TRAPPC9: variants seen among roughly 807,000 people sequenced by gnomAD.
TRAPPC9 encodes the protein IKK2 binding protein.
A neutral mutation model predicts 124.0 loss-of-function variants in TRAPPC9; 83 were observed. That is an observed-to-expected ratio of 0.67 (90% confidence interval 0.56 to 0.80). TRAPPC9 has a LOEUF of 0.80. Ranked by LOEUF, TRAPPC9 falls within the 30% of genes least tolerant of loss-of-function variation. The pLI, the probability that TRAPPC9 is intolerant of heterozygous loss-of-function variation, is 0.00. For synonymous variants in TRAPPC9, 638 were observed against 617.5 expected, an observed-to-expected ratio of 1.03 and a Z score of -0.49; for missense variants, 1,302 against 1,508.3, an observed-to-expected ratio of 0.86 and a Z score of 2.27.
At chr8:140,218,150 C>T (rs747318693) in intron 17 of TRAPPC9, among the ~76,000 whole-genome samples, 2 of 152,132 alleles carry the variant, frequency 1.3e-5, no homozygotes, top group East Asian at 1.9e-4. Context: ...GACGCCACCA[C>T]GACACTCGAA....
chr8:140,173,553 CAA>C (rs57984220), intron 17 of TRAPPC9, among the ~76,000 whole-genome samples: 44 of 59,758 alleles, frequency 7.4e-4, no homozygotes, highest in African/African-American at 1.3e-3. Flanking sequence ...GACTCTGTCT[CAA>C]AAAAAAAAAA....
At position 140,388,918 on chromosome 8, in the gene TRAPPC9, C is replaced by T. The variant is rs185039696; in HGVS notation, c.1134+8702G>A. Reference sequence around the variant, plus strand: ...ATGGATGAACCATGAAAACATGACGCTAAGTGAGTAATCTAGACACAGAAG... The same window carrying T: ...ATGGATGAACCATGAAAACATGACGTTAAGTGAGTAATCTAGACACAGAAG... On this transcript the variant is annotated intron_variant, in intron 7 of 22. Coordinates refer to ENST00000438773, the MANE Select transcript of TRAPPC9 (RefSeq NM_001160372.4). 2.7e-5 allele frequency among the ~76,000 whole-genome samples: 4 copies of T among 148,926 alleles called. No individual in the cohort carries two copies. The East Asian group carries it at 7.9e-4, about 29-fold the overall frequency.
At chr8:139,832,718 A>T (rs1421097001) in intron 21 of TRAPPC9, among the ~76,000 whole-genome samples, 5 of 152,140 alleles carry the variant, frequency 3.3e-5, no homozygotes, top group Non-Finnish European at 5.9e-5. Flanking sequence ...GAGCCTGCCC[A>T]GAAGAGCCTC....
chr8:140,162,605 AC>A (rs1357982411), intron 17 of TRAPPC9, among the ~76,000 whole-genome samples: 1 of 152,184 alleles, frequency 6.6e-6, no homozygotes, highest in East Asian at 1.9e-4. Context: ...AAGAGGGCAG[AC>A]TCAAAAGCAT....
At chr8:140,426,585 C>T in intron 5 of TRAPPC9, 30 bp downstream of exon 5, 1 of 1,610,318 alleles carries the variant, frequency 6.2e-7, no homozygotes, top group Non-Finnish European at 8.5e-7. Context: ...AAAAAATAAC[C>T]AAAAGAAACT....
intron 21 of TRAPPC9, among the ~76,000 whole-genome samples, chr8:139,836,701 C>A (rs533001528): frequency 6.6e-6 from 1 of 152,308 alleles, no homozygotes; most frequent in East Asian, 1.9e-4. Context: ...GGAGCAGACA[C>A]CAAGGCTCCA....
chr8:140,180,261 A>G (rs1356469974), intron 17 of TRAPPC9, among the ~76,000 whole-genome samples: 2 of 151,658 alleles, frequency 1.3e-5, no homozygotes, highest in East Asian at 3.9e-4. Flanking sequence ...TTCAATGTGC[A>G]TCTTAAACTC....
At chr8:139,804,423 C>A (rs1473145012) in intron 21 of TRAPPC9, among the ~76,000 whole-genome samples, 1 of 128,098 alleles carries the variant, frequency 7.8e-6, no homozygotes, top group Non-Finnish European at 1.6e-5. Flanking sequence ...CCACCCACCA[C>A]CGCCACCAAG....
chr8:140,322,814 G>T (rs963424025), intron 9 of TRAPPC9, among the ~76,000 whole-genome samples: 2 of 152,088 alleles, frequency 1.3e-5, no homozygotes, highest in East Asian at 3.9e-4. Flanking sequence ...CTCCAGCCTG[G>T]GAAACAGAGT....
rs879447499 is a variant in TRAPPC9, at chr8:140,353,822, G to C, written c.1495+6228C>G. Among the ~76,000 whole-genome samples, 1 of 152,218 alleles carries C rather than the reference G, an allele frequency of 6.6e-6. No homozygotes were observed. The highest frequency in any genetic ancestry group is 2.1e-4 in the South Asian group (1 of 4,832). On this transcript the variant is annotated intron_variant, in intron 9 of 22. Transcript: ENST00000438773. The surrounding 1 kb of genome is among the most constrained non-coding windows in gnomAD (Gnocchi z 4.2). ...TCATTCAGCCGGCATTTAAGGACCC[G>C]TAAGGTACCAGGTGCTGCTCCAGAT...
intron 19 of TRAPPC9, among the ~76,000 whole-genome samples, chr8:139,922,223 G>A (rs575323457): frequency 1.4e-4 from 21 of 151,372 alleles, no homozygotes; most frequent in African/African-American, 5.1e-4. Context: ...CTGTTGACTA[G>A]GCTAGTACAG....
chr8:139,878,389 T>C (rs1829467061), intron 21 of TRAPPC9, among the ~76,000 whole-genome samples: 1 of 152,224 alleles, frequency 6.6e-6, no homozygotes, highest in African/African-American at 2.4e-5. Flanking sequence ...TGTTTTTTTA[T>C]CTATGTTTTC....
chr8:139,910,842 G>A (rs937587417), intron 19 of TRAPPC9, among the ~76,000 whole-genome samples: 1 of 152,140 alleles, frequency 6.6e-6, no homozygotes, highest in Non-Finnish European at 1.5e-5. Flanking sequence ...TACCCCTATT[G>A]TATCTAGGAA....
intron 17 of TRAPPC9, among the ~76,000 whole-genome samples, chr8:140,199,141 A>C (rs2062729691): frequency 6.6e-6 from 1 of 152,158 alleles, no homozygotes; most frequent in African/African-American, 2.4e-5. Context: ...AAAGCACAGT[A>C]CAAAGCAGGG....
At chr8:140,155,067 G>A (rs564249351) in intron 17 of TRAPPC9, among the ~76,000 whole-genome samples, 9 of 152,194 alleles carry the variant, frequency 5.9e-5, no homozygotes, top group South Asian at 4.1e-4. Flanking sequence ...GCACTCAGCC[G>A]AGGCTCAATA....
At chr8:140,245,705 G>A (rs527964205) in intron 16 of TRAPPC9, among the ~76,000 whole-genome samples, 4 of 152,216 alleles carry the variant, frequency 2.6e-5, no homozygotes, top group East Asian at 3.9e-4. Flanking sequence ...CTGTGTCCCC[G>A]TGGTGTAGTT....
At chr8:140,181,705 A>G (rs2062208541) in intron 17 of TRAPPC9, among the ~76,000 whole-genome samples, 2 of 152,082 alleles carry the variant, frequency 1.3e-5, no homozygotes, top group Non-Finnish European at 2.9e-5. Flanking sequence ...CATATCAAAC[A>G]GGGTTCTTTA....
At chr8:139,754,727 C>G (rs114149201) in intron 21 of TRAPPC9, among the ~76,000 whole-genome samples, 1,550 of 152,332 alleles carry the variant, frequency 0.01, 19 homozygotes, top group African/African-American at 0.032. Context: ...GTGCCAGCCT[C>G]TGTTTTCCAG....
Position 140,283,926 on chromosome 8 carries a change from C to A in TRAPPC9, c.2077G>T (p.Ala693Ser). The stretch of plus-strand genomic sequence containing the variant: ...GTGCTGATCTGCAGTCTTGGCAACG[C>A]GGGAATGACTTCCACTGTGGAGCCA... ...TSGSTVEVIP[A>S]LPRLQISTSL... The change falls in exon 14 of 23, where the codon GCG becomes TCG. Residue 693 changes from alanine (A) to serine (S), a missense_variant. Around this residue, in one of 3 missense-constraint regions of TRAPPC9, gnomAD observed 640 missense variants for 679.3 expected, o/e 0.94. Coordinates refer to ENST00000438773, the MANE Select transcript of TRAPPC9 (RefSeq NM_001160372.4). The A allele has an allele frequency of 1.9e-6, 3 of 1,614,128 alleles. No homozygotes were observed. Among genetic ancestry groups the A allele is most frequent in the Non-Finnish European group, 2.5e-6 (3 of 1,180,030 alleles).
Sources: gnomAD v4.1 joint callset for allele counts (sites outside exome capture counted in the v4.1 genomes callset) on GRCh38, gnomAD v4.1.1 for gene constraint, gnomAD v4.1.1 regional missense constraint, Gnocchi (gnomAD v3.1) non-coding constraint, MANE v1.5 for transcripts, NCBI Gene and HGNC (gene_info 2026-07-23, HGNC 2026-07-21) for gene names.